DSCAM: variants seen among roughly 807,000 people sequenced by gnomAD.
DSCAM encodes the protein DS cell adhesion molecule.
Under a neutral mutation model 217.7 loss-of-function variants are expected in DSCAM, and 47 were observed. That is an observed-to-expected ratio of 0.22 (90% CI 0.17 to 0.28). The LOEUF is 0.28. Ranked by LOEUF, DSCAM falls within the 10% of genes least tolerant of loss-of-function variation. The probability of loss-of-function intolerance (pLI) is 1.00; values close to 1 mark genes in which losing one functional copy is unlikely to be tolerated. For missense variants in DSCAM, 2,080 were observed against 2,618.3 expected (o/e 0.79, Z 4.49); for synonymous variants, 1,056 against 1,015.3 (o/e 1.04, Z -0.76).
intron 1 of DSCAM, among the ~76,000 whole-genome samples, chr21:40,768,656 C>T (rs1306428249): frequency 4.6e-5 from 7 of 152,202 alleles, no homozygotes; most frequent in Admixed American, 3.3e-4. Context: ...GATGGCCTTT[C>T]CCCGGTAAGT....
At chr21:40,186,050 A>C (rs1340828216) in intron 14 of DSCAM, among the ~76,000 whole-genome samples, 1 of 152,224 alleles carries the variant, frequency 6.6e-6, no homozygotes, top group Non-Finnish European at 1.5e-5. Flanking sequence ...CCCAGCAGTC[A>C]CAGATACTAC....
At chr21:40,053,506 T>C (rs1198534239) in intron 29 of DSCAM, among the ~76,000 whole-genome samples, 1 of 152,218 alleles carries the variant, frequency 6.6e-6, no homozygotes, top group Non-Finnish European at 1.5e-5. Flanking sequence ...TCTGCGGGGC[T>C]AGGTTACACA....
At chr21:40,504,919 T>C (rs2076198399) in intron 3 of DSCAM, among the ~76,000 whole-genome samples, 1 of 152,164 alleles carries the variant, frequency 6.6e-6, no homozygotes, top group African/African-American at 2.4e-5. Flanking sequence ...ATAGTAAGAG[T>C]TGACTGTCAT....
chr21:40,322,821 G>A (rs991889444), intron 8 of DSCAM, among the ~76,000 whole-genome samples: 1 of 152,174 alleles, frequency 6.6e-6, no homozygotes, highest in African/African-American at 2.4e-5. Flanking sequence ...CACCACGCCC[G>A]GCCAGTGGGC....
intron 1 of DSCAM, among the ~76,000 whole-genome samples, chr21:40,755,452 C>T (rs370171906): frequency 0.036 from 3,217 of 88,714 alleles, 120 homozygotes; most frequent in African/African-American, 0.14. Flanking sequence ...TCCCCACCTG[C>T]TAAAAAATAA....
At chr21:40,201,244 T>G (rs2091066401) in intron 11 of DSCAM, among the ~76,000 whole-genome samples, 1 of 152,210 alleles carries the variant, frequency 6.6e-6, no homozygotes, top group Admixed American at 6.5e-5. Flanking sequence ...TTACATTCAC[T>G]CTGAAGTTAT....
chr21:40,205,619 A>G (rs1052293955), intron 11 of DSCAM, among the ~76,000 whole-genome samples: 7 of 151,818 alleles, frequency 4.6e-5, no homozygotes, highest in Non-Finnish European at 8.8e-5. Flanking sequence ...AAAAAAAAAA[A>G]AAAGTGTTCT....
intron 3 of DSCAM, among the ~76,000 whole-genome samples, chr21:40,502,479 G>C (rs1383808996): frequency 6.6e-6 from 1 of 152,174 alleles, no homozygotes; most frequent in Non-Finnish European, 1.5e-5. Context: ...TGGGCTAAAA[G>C]CAAGGGGTTG....
intron 3 of DSCAM, among the ~76,000 whole-genome samples, chr21:40,443,578 T>C (rs1427449925): frequency 6.6e-6 from 1 of 152,266 alleles, no homozygotes; most frequent in Admixed American, 6.5e-5. Flanking sequence ...TCTAGGTTTA[T>C]ATCATCACTT....
intron 3 of DSCAM, among the ~76,000 whole-genome samples, chr21:40,495,339 T>C (rs2410252): frequency 1.3e-5 from 2 of 152,028 alleles, no homozygotes. Context: ...GCTATTCACC[T>C]TGATCAGTAC....
At chr21:40,753,035 C>T (rs1202744646) in intron 1 of DSCAM, among the ~76,000 whole-genome samples, 6 of 152,204 alleles carry the variant, frequency 3.9e-5, no homozygotes, top group Non-Finnish European at 5.9e-5. Context: ...CAGCCTCCAC[C>T]ATGTAACAGA....
intron 3 of DSCAM, among the ~76,000 whole-genome samples, chr21:40,520,284 T>A (rs1355086698): frequency 6.6e-6 from 1 of 152,104 alleles, no homozygotes; most frequent in Admixed American, 6.6e-5. Context: ...TTACTTTAAA[T>A]ACCATCTTTC....
chr21:40,090,345 C>T (rs537136514), intron 21 of DSCAM, among the ~76,000 whole-genome samples: 1 of 152,136 alleles, frequency 6.6e-6, no homozygotes, highest in African/African-American at 2.4e-5. Flanking sequence ...GTCACTTCTT[C>T]CAGGTGATGT....
intron 1 of DSCAM, among the ~76,000 whole-genome samples, chr21:40,816,563 C>T (rs1304251134): frequency 1.3e-5 from 2 of 152,050 alleles, no homozygotes; most frequent in South Asian, 2.1e-4. Context: ...GCAACAAGAG[C>T]GAGACTCTGT....
At chr21:40,761,328 T>C (rs1434618905) in intron 1 of DSCAM, among the ~76,000 whole-genome samples, 9 of 152,302 alleles carry the variant, frequency 5.9e-5, no homozygotes, top group Admixed American at 2.0e-4. Flanking sequence ...ATGTATTTCC[T>C]GGCTCATGGC....
chr21:40,392,994 G>C (rs890159391), intron 3 of DSCAM, among the ~76,000 whole-genome samples: 2 of 152,180 alleles, frequency 1.3e-5, no homozygotes, highest in African/African-American at 4.8e-5. Context: ...AGAATTATTA[G>C]TGCATGTTAG....
intron 18 of DSCAM, among the ~76,000 whole-genome samples, 180 bp from the exon 19 acceptor site, chr21:40,134,189 C>T (rs1036438842): frequency 5.3e-5 from 8 of 152,130 alleles, no homozygotes; most frequent in South Asian, 2.1e-4. Context: ...TGTCACGTGG[C>T]CCTTTGGAAA....
At chr21:40,153,168 A>G (rs945095676) in intron 16 of DSCAM, among the ~76,000 whole-genome samples, 1 of 152,206 alleles carries the variant, frequency 6.6e-6, no homozygotes, top group African/African-American at 2.4e-5. Flanking sequence ...CATAAACAGT[A>G]GCCATTCCAT....
chr21:40,805,790 G>T (rs1454810001), intron 1 of DSCAM, among the ~76,000 whole-genome samples: 1 of 151,668 alleles, frequency 6.6e-6, no homozygotes, highest in Non-Finnish European at 1.5e-5. Context: ...CTCACTGCAA[G>T]CTCCACCTCC....
Sources: gnomAD v4.1 joint callset for allele counts (sites outside exome capture counted in the v4.1 genomes callset) on GRCh38, gnomAD v4.1.1 for gene constraint, MANE v1.5 for transcripts, NCBI Gene and HGNC (gene_info 2026-07-23, HGNC 2026-07-21) for gene names.